Variants in PRKG1 observed in about 807,000 individuals in gnomAD.
The protein encoded by PRKG1 is protein kinase cGMP-dependent 1, also known as cGMP-dependent protein kinase 1.
Under a neutral mutation model 88.1 loss-of-function variants are expected in PRKG1, and 35 were observed. The ratio of observed to expected loss-of-function variants is 0.40; its 90% CI spans 0.30 to 0.53. The LOEUF is 0.53. PRKG1 is among the 20% of genes least tolerant of loss of function. The pLI is 0.59. For missense variants in PRKG1, 540 were observed against 839.8 expected, an observed-to-expected ratio of 0.64 and a Z score of 4.41; for synonymous variants, 303 against 292.5, an observed-to-expected ratio of 1.04 and a Z score of -0.37.
rs1838243584 is a variant in PRKG1 at position 51,589,059 on chromosome 10, C to T, written c.592+121223C>T. On this transcript the variant is annotated intron_variant, in intron 3 of 17. Coordinates refer to ENST00000373980, the MANE Select transcript of PRKG1 (RefSeq NM_006258.4). ...ATCTAGATGAGCTGTTGTTTTGTCT[C>T]GAAACCATTCCCTGTCATTAGACAG... is the stretch of plus-strand genomic sequence containing the variant. Among the ~76,000 whole-genome samples the T allele has an allele frequency of 2.0e-5, 3 of 152,152 alleles. No homozygotes were observed. In the South Asian group the frequency reaches 6.2e-4, roughly 32 times the overall value.
chr10:51,933,442 A>T (rs1050088101), intron 5 of PRKG1, among the ~76,000 whole-genome samples: 2 of 152,088 alleles, frequency 1.3e-5, no homozygotes, highest in Non-Finnish European at 2.9e-5. Flanking sequence ...TTTATAACCG[A>T]TAATTTCATG....
At position 52,294,071 on chromosome 10, in the gene PRKG1, A is replaced by G; in HGVS notation, c.*171A>G. On this transcript the variant is annotated 3_prime_UTR_variant, in exon 18 of 18. Coordinates refer to ENST00000373980, the MANE Select transcript of PRKG1 (RefSeq NM_006258.4). ...ATTAGGACTTACCGCTTAGATGACA[A>G]TAGTGCTCTTTACATGTTTTCTGTT... is the stretch of plus-strand genomic sequence containing the variant. The G allele has an allele frequency of 1.9e-6, 1 of 521,562 alleles. No individual in the cohort carries two copies. Among genetic ancestry groups the G allele is most frequent in the Non-Finnish European group, 3.4e-6 (1 of 295,608 alleles). The allele number at this position is 521,562 out of a possible 1,614,324, so 32.3% of individuals were successfully genotyped here.
rs767018653 is a variant in PRKG1 at position 52,294,872 on chromosome 10, T to C, written c.*972T>C. ...ATAAATAAAAACTATATAGGTGCTA[T>C]GTATATCTTTCATCTGTAAATGTCA... is the stretch of plus-strand genomic sequence containing the variant. On this transcript the variant is annotated 3_prime_UTR_variant, in exon 18 of 18. Coordinates refer to ENST00000373980, the MANE Select transcript of PRKG1 (RefSeq NM_006258.4). The C allele has an allele frequency of 5.2e-5, 8 of 152,536 alleles. No homozygotes were observed. The highest frequency in any genetic ancestry group is 8.8e-5 in the Non-Finnish European group (6 of 68,004). The allele number at this position is 152,536 out of a possible 1,614,324, so 9.4% of individuals were successfully genotyped here. A position where few individuals can be genotyped will look rare whatever the true frequency, so the allele number is the denominator to read the frequency against.
intron 14 of PRKG1, among the ~76,000 whole-genome samples, chr10:52,285,301 C>T (rs941279518): frequency 1.3e-5 from 2 of 152,084 alleles, no homozygotes; most frequent in Non-Finnish European, 2.9e-5. Flanking sequence ...GGACTGGGTA[C>T]ATAAATTAGA....
chr10:51,512,408 T>C (rs1282252743), intron 3 of PRKG1, among the ~76,000 whole-genome samples: 28 of 139,162 alleles, frequency 2.0e-4, no homozygotes, highest in Admixed American at 5.4e-4. Context: ...TGTGATCTCA[T>C]TGTTCAATTT....
At chr10:51,220,269 G>A (rs1055241648) in intron 2 of PRKG1, among the ~76,000 whole-genome samples, 4 of 152,146 alleles carry the variant, frequency 2.6e-5, no homozygotes, top group Admixed American at 2.6e-4. Context: ...CTTAGAAGTG[G>A]ATTATTCATC....
rs2132472172 is a variant in PRKG1, at chr10:52,295,667, A to G, written c.*1767A>G. On this transcript the variant is annotated 3_prime_UTR_variant, in exon 18 of 18. Coordinates refer to ENST00000373980, the MANE Select transcript of PRKG1 (RefSeq NM_006258.4). ...TTTTTTCAGTAGAGTTTTCTTTTTAATCAATCAAACGCCTACATTTCTGGA... is the reference window on the plus strand; with the variant it reads ...TTTTTTCAGTAGAGTTTTCTTTTTAGTCAATCAAACGCCTACATTTCTGGA... 6.6e-6 allele frequency: 1 copy of G among 152,070 alleles called. No individual in the cohort carries two copies. The highest frequency in any genetic ancestry group is 2.4e-5 in the African/African-American group (1 of 41,560). 9.4% of individuals were successfully genotyped at this position (152,070 alleles called of 1,614,324 possible).
intron 3 of PRKG1, among the ~76,000 whole-genome samples, chr10:51,617,003 G>T (rs982594256): frequency 6.6e-6 from 1 of 152,106 alleles, no homozygotes; most frequent in Non-Finnish European, 1.5e-5. Flanking sequence ...TGGTGCCTTG[G>T]TGTAGCAGCT....
At chr10:51,075,239 C>T (rs1843919592) in intron 1 of PRKG1, among the ~76,000 whole-genome samples, 1 of 152,132 alleles carries the variant, frequency 6.6e-6, no homozygotes, top group Non-Finnish European at 1.5e-5. Context: ...AATAAAAAGC[C>T]CCCGTCTCCC....
At chr10:51,930,799 C>G (rs1842678826) in intron 5 of PRKG1, among the ~76,000 whole-genome samples, 1 of 152,012 alleles carries the variant, frequency 6.6e-6, no homozygotes, top group Non-Finnish European at 1.5e-5. Context: ...CCAAAATGAA[C>G]ATTCTTTTAG....
At chr10:52,282,065 T>C (rs1842013678) in intron 13 of PRKG1, 88 bp from the exon 14 acceptor site, 7 of 1,240,924 alleles carry the variant, frequency 5.6e-6, no homozygotes, top group East Asian at 2.4e-5. Context: ...TTTAAATTAT[T>C]ATCATCATCA....
intron 4 of PRKG1, among the ~76,000 whole-genome samples, chr10:51,859,108 G>A (rs960774858): frequency 2.6e-5 from 4 of 152,140 alleles, no homozygotes; most frequent in African/African-American, 7.2e-5. Context: ...GTTGAATTGG[G>A]GATTTGGCTA....
At chr10:52,212,772 T>C (rs1307947729) in intron 9 of PRKG1, among the ~76,000 whole-genome samples, 9 of 152,226 alleles carry the variant, frequency 5.9e-5, no homozygotes, top group Non-Finnish European at 1.0e-4. Context: ...TTTATTATGC[T>C]TTAACTGGAT....
chr10:51,014,847 A>G (rs1021337917), intron 1 of PRKG1, among the ~76,000 whole-genome samples: 1 of 152,238 alleles, frequency 6.6e-6, no homozygotes, highest in Non-Finnish European at 1.5e-5. Context: ...TGATTCTGCA[A>G]TTCAGACTCT....
rs78854385 is a variant in PRKG1 at position 51,270,537 on chromosome 10, G to C, written c.478+117207G>C. ...ATGAATTGGAGGGATTTAATGGGTG[G>C]ATCATATAGTGAGTTACTCCTGGAT... On this transcript the variant is annotated intron_variant, in intron 2 of 17. Transcript: ENST00000373980. Among the ~76,000 whole-genome samples, 1,441 of 152,162 alleles carry C rather than the reference G, an allele frequency of 9.5e-3. 22 individuals carry two copies. Among genetic ancestry groups the C allele is most frequent in the African/African-American group, 0.033 (1,375 of 41,508 alleles).
At chr10:51,555,078 T>C (rs1837275661) in intron 3 of PRKG1, among the ~76,000 whole-genome samples, 1 of 151,956 alleles carries the variant, frequency 6.6e-6, no homozygotes, top group African/African-American at 2.4e-5. Context: ...GAATCTTTTC[T>C]TTTTCACTTG....
rs1238311331 is a variant in PRKG1, at chr10:52,293,846, G to A, written c.2007G>A (p.Glu669=). The change falls in exon 18 of 18, where the codon GAG becomes GAA. Residue 669 remains glutamate (E), a synonymous_variant. Transcript: ENST00000373980. ...TDTSNFDSFP[E]DNDEPPPDDN... ...CAAGTAATTTTGACAGTTTCCCTGA[G>A]GACAACGATGAACCACCACCTGATG... The A allele has an allele frequency of 1.2e-6, 2 of 1,613,192 alleles. No homozygotes were observed. Among genetic ancestry groups the A allele is most frequent in the East Asian group, 4.5e-5 (2 of 44,872 alleles).
At chr10:52,242,381 T>A (rs1182442471) in intron 9 of PRKG1, 1 of 152,194 alleles carries the variant, frequency 6.6e-6, no homozygotes, top group African/African-American at 2.4e-5. Flanking sequence ...AAAGGAAATA[T>A]CTATTCTGGC....
intron 4 of PRKG1, among the ~76,000 whole-genome samples, chr10:51,891,598 T>C (rs1271649243): frequency 6.6e-6 from 1 of 152,176 alleles, no homozygotes; most frequent in Non-Finnish European, 1.5e-5. Context: ...GCTGAAGGAA[T>C]TGGACACCGT....
Sources: allele counts gnomAD v4.1 joint callset (sites outside exome capture counted in the v4.1 genomes callset), GRCh38; gene constraint gnomAD v4.1.1; transcripts MANE v1.5; gene names NCBI Gene and HGNC (gene_info 2026-07-23, HGNC 2026-07-21).